HS6ST3: variants seen among roughly 807,000 people sequenced by gnomAD.
The protein encoded by HS6ST3 is heparan-sulfate 6-O-sulfotransferase 3.
A neutral mutation model predicts 36.7 loss-of-function variants in HS6ST3; 12 were observed. The observed-to-expected ratio is 0.33, with a 90% CI of 0.21 to 0.53. The LOEUF is 0.53. Ranked by LOEUF, HS6ST3 falls within the 20% of genes least tolerant of loss-of-function variation. The pLI, the probability that HS6ST3 is intolerant of heterozygous loss-of-function variation, is 0.95. For missense variants in HS6ST3, 584 were observed against 640.9 expected, an observed-to-expected ratio of 0.91 and a Z score of 0.96; for synonymous variants, 240 against 257.5, an observed-to-expected ratio of 0.93 and a Z score of 0.65.
intron 1 of HS6ST3, among the ~76,000 whole-genome samples, chr13:96,711,212 C>T (rs907789610): frequency 6.6e-6 from 1 of 152,118 alleles, no homozygotes; most frequent in Non-Finnish European, 1.5e-5. Context: ...GTTGGCCACA[C>T]CTCAGCCTAT....
intron 1 of HS6ST3, among the ~76,000 whole-genome samples, chr13:96,804,976 A>G (rs186384999): frequency 3.3e-5 from 5 of 152,332 alleles, no homozygotes; most frequent in African/African-American, 7.2e-5. Context: ...TTGTAAACCT[A>G]TATCTGAAAG....
At chr13:96,098,139 A>G (rs141791887) in intron 1 of HS6ST3, among the ~76,000 whole-genome samples, 2 of 152,342 alleles carry the variant, frequency 1.3e-5, no homozygotes, top group East Asian at 1.9e-4. Flanking sequence ...GGTTTCTCCT[A>G]TTAGACTGTA....
In HS6ST3 at chr13:96,835,503, G is replaced by GTC. The variant is rs3832883; in HGVS notation, c.*2325_*2326dup. Reference sequence around the variant, plus strand: ...AGGATTGCAGCTGGGATTAATGTTCGTCTCTCTCTCTCTCTCTCTCTAGCT... The same window carrying GTC: ...AGGATTGCAGCTGGGATTAATGTTCGTCTCTCTCTCTCTCTCTCTCTCTAGCT... On this transcript the variant is annotated 3_prime_UTR_variant, in exon 2 of 2. Coordinates refer to ENST00000376705, the MANE Select transcript of HS6ST3 (RefSeq NM_153456.4). 0.31 allele frequency: 46,085 copies of GTC among 148,436 alleles called. 7,322 individuals are homozygous for GTC. The highest frequency in any genetic ancestry group is 0.42 in the East Asian group (2,134 of 5,032). 9.2% of individuals were successfully genotyped at this position (148,436 alleles called of 1,614,324 possible). A position where few individuals can be genotyped will look rare whatever the true frequency, so the allele number is the denominator to read the frequency against.
intron 1 of HS6ST3, among the ~76,000 whole-genome samples, chr13:96,738,599 T>C (rs917293086): frequency 5.9e-5 from 9 of 151,938 alleles, no homozygotes; most frequent in African/African-American, 2.2e-4. Flanking sequence ...TTTTTTCCTT[T>C]TGTAGTGGCA....
intron 1 of HS6ST3, among the ~76,000 whole-genome samples, chr13:96,645,657 G>A (rs1594826034): frequency 6.6e-6 from 1 of 151,756 alleles, no homozygotes; most frequent in Admixed American, 6.6e-5. Context: ...CACAGTATGA[G>A]CACTGTCTTA....
intron 1 of HS6ST3, among the ~76,000 whole-genome samples, chr13:96,118,553 A>G (rs997416086): frequency 1.3e-5 from 2 of 150,772 alleles, no homozygotes; most frequent in African/African-American, 4.9e-5. Context: ...GGAAGTAGAA[A>G]CTTCCTCTGA....
intron 1 of HS6ST3, among the ~76,000 whole-genome samples, chr13:96,604,647 TGA>T (rs1326313350): frequency 2.0e-5 from 3 of 152,196 alleles, no homozygotes; most frequent in African/African-American, 7.2e-5. Context: ...TTATCAGAAT[TGA>T]GCTTATAGTA....
At chr13:96,781,003 A>G (rs1877511975) in intron 1 of HS6ST3, among the ~76,000 whole-genome samples, 1 of 151,630 alleles carries the variant, frequency 6.6e-6, no homozygotes, top group African/African-American at 2.4e-5. Flanking sequence ...ACATTATTAC[A>G]CCCAATTTAC....
At chr13:96,381,402 GTATCTATGTATCTATC>G (rs1159965104) in intron 1 of HS6ST3, among the ~76,000 whole-genome samples, 965 of 54,700 alleles carry the variant, frequency 0.018, 5 homozygotes, top group African/African-American at 0.042. Flanking sequence ...ATGTATCTAT[GTATCTATGTATCTATC>G]TATCTATCTA....
chr13:96,517,907 G>A (rs908033248), intron 1 of HS6ST3, among the ~76,000 whole-genome samples: 1 of 152,128 alleles, frequency 6.6e-6, no homozygotes, highest in South Asian at 2.1e-4. Context: ...ATACATGCAC[G>A]CAAATATTCA....
At chr13:96,270,300 C>A (rs1257356112) in intron 1 of HS6ST3, among the ~76,000 whole-genome samples, 1 of 151,832 alleles carries the variant, frequency 6.6e-6, no homozygotes, top group Non-Finnish European at 1.5e-5. Context: ...GATGCCAGGA[C>A]TGTGAGAAAT....
chr13:96,548,094 C>T (rs2056204396), intron 1 of HS6ST3, among the ~76,000 whole-genome samples: 1 of 152,148 alleles, frequency 6.6e-6, no homozygotes. Flanking sequence ...GCTTCTCCTG[C>T]ACGCCCCCCA....
intron 1 of HS6ST3, among the ~76,000 whole-genome samples, chr13:96,571,135 C>T (rs559782705): frequency 1.3e-5 from 2 of 152,270 alleles, no homozygotes; most frequent in South Asian, 4.1e-4. Flanking sequence ...TGGAACAATT[C>T]AATGAATGTT....
chr13:96,673,970 A>G (rs1291790575), intron 1 of HS6ST3, among the ~76,000 whole-genome samples: 1 of 151,994 alleles, frequency 6.6e-6, no homozygotes, highest in African/African-American at 2.4e-5. Context: ...ATATTTGCTT[A>G]TATTTCACGG....
At chr13:96,115,461 A>G (rs2053889672) in intron 1 of HS6ST3, among the ~76,000 whole-genome samples, 1 of 151,974 alleles carries the variant, frequency 6.6e-6, no homozygotes, top group African/African-American at 2.4e-5. Context: ...CAGGGCTTTC[A>G]TTGTTCAACT....
chr13:96,138,157 CT>C (rs2054011826), intron 1 of HS6ST3, among the ~76,000 whole-genome samples: 2 of 152,228 alleles, frequency 1.3e-5, no homozygotes, highest in African/African-American at 4.8e-5. Context: ...TTTACAAAAT[CT>C]GTTATGAATA....
At chr13:96,788,493 C>T (rs1364085967) in intron 1 of HS6ST3, among the ~76,000 whole-genome samples, 1 of 151,788 alleles carries the variant, frequency 6.6e-6, no homozygotes, top group Non-Finnish European at 1.5e-5. Context: ...CTTTCATCAG[C>T]CTGTAATTTT....
intron 1 of HS6ST3, among the ~76,000 whole-genome samples, chr13:96,701,213 C>T (rs553136212): frequency 4.6e-5 from 7 of 152,280 alleles, no homozygotes; most frequent in East Asian, 3.9e-4. Flanking sequence ...TCTATCATGA[C>T]GACTGGTGCA....
At chr13:96,247,424 G>C (rs2054589742) in intron 1 of HS6ST3, among the ~76,000 whole-genome samples, 1 of 152,022 alleles carries the variant, frequency 6.6e-6, no homozygotes, top group Non-Finnish European at 1.5e-5. Context: ...TCATGATAGT[G>C]AATGAGTTCT....
Sources: allele counts gnomAD v4.1 joint callset (sites outside exome capture counted in the v4.1 genomes callset), GRCh38; gene constraint gnomAD v4.1.1; transcripts MANE v1.5; gene names NCBI Gene and HGNC (gene_info 2026-07-23, HGNC 2026-07-21).